Variants in ADAMTSL3 observed in about 807,000 individuals in gnomAD.
ADAMTSL3 encodes ADAMTS-like protein 3.
ADAMTSL3 carries 128 observed loss-of-function variants against 201.7 expected under a neutral mutation model. That is an observed-to-expected ratio of 0.63 (90% CI 0.55 to 0.73). The LOEUF (loss-of-function observed/expected upper bound fraction) is 0.73, where lower values mean the gene tolerates loss of function less well. Ranked by LOEUF, ADAMTSL3 falls within the 30% of genes least tolerant of loss-of-function variation. ADAMTSL3 has a pLI of 0.00. For missense variants in ADAMTSL3, 1,990 were observed against 2,119.6 expected (o/e 0.94, Z 1.20); for synonymous variants, 738 against 748.4 (o/e 0.99, Z 0.23).
At chr15:83,877,045 C>T (rs779953737) in intron 9 of ADAMTSL3, among the ~76,000 whole-genome samples, 55 of 152,154 alleles carry the variant, frequency 3.6e-4, no homozygotes, top group Non-Finnish European at 6.8e-4. Context: ...CCACCCACAT[C>T]AGCCGCCCAA....
At chr15:83,830,487 A>G (rs540832298) in intron 6 of ADAMTSL3, among the ~76,000 whole-genome samples, 1 of 152,218 alleles carries the variant, frequency 6.6e-6, no homozygotes, top group Non-Finnish European at 1.5e-5. Context: ...GCAGTGGCAC[A>G]TACTTCAGAG....
At chr15:83,984,844 G>T (rs1204062624) in intron 21 of ADAMTSL3, among the ~76,000 whole-genome samples, 2 of 152,134 alleles carry the variant, frequency 1.3e-5, no homozygotes, top group African/African-American at 4.8e-5. Flanking sequence ...GTGAAATGTT[G>T]TTTTAGTTAA....
intron 4 of ADAMTSL3, among the ~76,000 whole-genome samples, chr15:83,782,914 A>G (rs1012945192): frequency 1.3e-3 from 7 of 5,538 alleles, no homozygotes; most frequent in African/African-American, 8.4e-3. Flanking sequence ...TGGATAGCGT[A>G]TATATATATA....
chr15:84,012,823 C>A (rs1297985274), intron 23 of ADAMTSL3, among the ~76,000 whole-genome samples: 1 of 152,184 alleles, frequency 6.6e-6, no homozygotes, highest in African/African-American at 2.4e-5. Flanking sequence ...ATCTCAGACT[C>A]CAATTTTGAA....
At chr15:83,774,693 C>T (rs183855871) in intron 4 of ADAMTSL3, among the ~76,000 whole-genome samples, 81 of 152,336 alleles carry the variant, frequency 5.3e-4, no homozygotes, top group Non-Finnish European at 1.1e-3. Flanking sequence ...GTTATGCCTG[C>T]TTCCCCATAT....
intron 17 of ADAMTSL3, among the ~76,000 whole-genome samples, chr15:83,930,936 A>C (rs2066343666): frequency 6.6e-6 from 1 of 152,244 alleles, no homozygotes. Flanking sequence ...GAAACTTACC[A>C]CTGAGATTGG....
chr15:83,846,367 G>A (rs1351021600), intron 7 of ADAMTSL3, among the ~76,000 whole-genome samples: 1 of 152,222 alleles, frequency 6.6e-6, no homozygotes, highest in Admixed American at 6.5e-5. Flanking sequence ...CAACTGGTGA[G>A]TGGTCAAGAT....
intron 2 of ADAMTSL3, among the ~76,000 whole-genome samples, chr15:83,677,366 G>C (rs10152418): frequency 2.0e-5 from 3 of 152,034 alleles, no homozygotes; most frequent in Admixed American, 1.3e-4. Flanking sequence ...TGCTGAGAGA[G>C]AGATGATGAA....
At chr15:83,664,913 T>G (rs1339259703) in intron 2 of ADAMTSL3, among the ~76,000 whole-genome samples, 1 of 152,176 alleles carries the variant, frequency 6.6e-6, no homozygotes, top group African/African-American at 2.4e-5. Flanking sequence ...CCAGGCAGTT[T>G]GTGGCTACCC....
intron 19 of ADAMTSL3, among the ~76,000 whole-genome samples, chr15:83,957,597 GC>G (rs1443906739): frequency 6.6e-6 from 1 of 152,036 alleles, no homozygotes; most frequent in Non-Finnish European, 1.5e-5. Context: ...CAGGACATGA[GC>G]AAAAAAGAGG....
At chr15:84,002,849 T>C (rs931565868) in intron 23 of ADAMTSL3, among the ~76,000 whole-genome samples, 6 of 152,164 alleles carry the variant, frequency 3.9e-5, no homozygotes, top group South Asian at 4.1e-4. Context: ...AAAGAACATA[T>C]GAACACTCCA....
intron 7 of ADAMTSL3, among the ~76,000 whole-genome samples, chr15:83,846,950 C>G (rs1596309103): frequency 6.6e-6 from 1 of 152,194 alleles, no homozygotes; most frequent in Admixed American, 6.5e-5. Flanking sequence ...CAAAGCTAGC[C>G]CTGCCAATAA....
chr15:83,932,562 AAGG>A (rs2142009852), intron 17 of ADAMTSL3, among the ~76,000 whole-genome samples: 1 of 152,352 alleles, frequency 6.6e-6, no homozygotes, highest in East Asian at 1.9e-4. Flanking sequence ...GAGAGATTGC[AAGG>A]AGAACTATCT....
In ADAMTSL3 at chr15:83,819,847, C is replaced by G. The variant is rs769675062; in HGVS notation, c.400C>G (p.Gln134Glu). 1.2e-6 allele frequency: 2 copies of G among 1,613,922 alleles called. No homozygotes were observed. Among genetic ancestry groups the G allele is most frequent in the African/African-American group, 2.7e-5 (2 of 74,904 alleles). Residue 134 changes from glutamine to glutamate, a missense_variant, in exon 6 of 30, where the codon CAG becomes GAG. By Grantham distance (29) the Gln-to-Glu change is conservative. Transcript: ENST00000286744. ...PPDAEDFRAQQCSAYNDVQYQ... is the reference protein window; with the variant it reads ...PPDAEDFRAQECSAYNDVQYQ... Reference sequence around the variant, plus strand: ...AGATGCAGAAGATTTCAGAGCCCAGCAGTGCTCAGCCTACAATGATGTCCA... The same window carrying G: ...AGATGCAGAAGATTTCAGAGCCCAGGAGTGCTCAGCCTACAATGATGTCCA...
chr15:83,878,375 G>T (rs1024911291), intron 9 of ADAMTSL3, among the ~76,000 whole-genome samples: 7 of 152,028 alleles, frequency 4.6e-5, no homozygotes, highest in African/African-American at 1.7e-4. Flanking sequence ...CAACATTTTT[G>T]GAGGCCAAGG....
intron 3 of ADAMTSL3, among the ~76,000 whole-genome samples, chr15:83,714,761 C>CTTTCTTTCTTTCTTTCTTTCTTTCTT (rs1555433185): frequency 4.8e-5 from 2 of 41,494 alleles, no homozygotes; most frequent in Non-Finnish European, 1.1e-4. Flanking sequence ...CTTCCCTTTT[C>CTTTCTTTCTTTCTTTCTTTCTTTCTT]TCTTTCTTTC....
chr15:83,757,372 G>T (rs1392965432), intron 3 of ADAMTSL3, among the ~76,000 whole-genome samples: 8 of 152,170 alleles, frequency 5.3e-5, no homozygotes, highest in Non-Finnish European at 8.8e-5. Flanking sequence ...CCAAGGCTTG[G>T]GGCTTTCACT....
intron 2 of ADAMTSL3, among the ~76,000 whole-genome samples, chr15:83,700,429 GT>G (rs1300628982): frequency 6.6e-6 from 1 of 152,204 alleles, no homozygotes; most frequent in Non-Finnish European, 1.5e-5. Flanking sequence ...AAAATAAGGA[GT>G]TTGACCTAGA....
chr15:83,804,803 G>A (rs2141864948), intron 5 of ADAMTSL3, 108 bp downstream of exon 5: 1 of 752,758 alleles, frequency 1.3e-6, no homozygotes, highest in Non-Finnish European at 2.0e-6. Flanking sequence ...ACCCTTTGTG[G>A]AAAACTTAAG....
Sources: allele counts gnomAD v4.1 joint callset (sites outside exome capture counted in the v4.1 genomes callset), GRCh38; gene constraint gnomAD v4.1.1; transcripts MANE v1.5; gene names NCBI Gene and HGNC (gene_info 2026-07-23, HGNC 2026-07-21).